Variants in SH3RF1 observed in about 807,000 individuals in gnomAD.
The protein encoded by SH3RF1 is SH3 domain containing ring finger 1, also known as E3 ubiquitin-protein ligase SH3RF1.
Under a neutral mutation model 74.0 loss-of-function variants are expected in SH3RF1, and 32 were observed. The observed-to-expected ratio is 0.43, with a 90% CI of 0.33 to 0.58. The LOEUF is 0.58. Ranked by LOEUF, SH3RF1 falls within the 20% of genes least tolerant of loss-of-function variation. SH3RF1 has a pLI of 0.05. For missense variants in SH3RF1, 954 were observed against 1,130.9 expected, an observed-to-expected ratio of 0.84 and a Z score of 2.24; for synonymous variants, 396 against 439.6, an observed-to-expected ratio of 0.90 and a Z score of 1.24.
At chr4:169,189,931 A>T (rs1399925476) in intron 2 of SH3RF1, among the ~76,000 whole-genome samples, 1 of 152,232 alleles carries the variant, frequency 6.6e-6, no homozygotes, top group African/African-American at 2.4e-5. Context: ...GGAACCTTCA[A>T]AACCATGCAA....
Position 169,144,776 on chromosome 4 carries a change from G to A in SH3RF1, c.766-8156C>T, listed in dbSNP as rs570380904. Among the ~76,000 whole-genome samples, 7 of 151,872 alleles carry A rather than the reference G, an allele frequency of 4.6e-5. 1 individual carries two copies. The highest frequency in any genetic ancestry group is 2.0e-4 in the Admixed American group (3 of 15,248). ...GGGTCAACTGATTTTTTTTTTTAAG[G>A]AAAGCTTATGTAAAACCTCCTGAGT... On this transcript the variant is annotated intron_variant, in intron 4 of 11. Transcript: ENST00000284637.
intron 2 of SH3RF1, among the ~76,000 whole-genome samples, chr4:169,252,697 C>G (rs968671741): frequency 1.3e-5 from 2 of 152,182 alleles, no homozygotes; most frequent in Non-Finnish European, 2.9e-5. Flanking sequence ...TGCCAAGAAA[C>G]GATGACCTTC....
chr4:169,177,016 C>T (rs992689872), intron 2 of SH3RF1, among the ~76,000 whole-genome samples: 1 of 152,138 alleles, frequency 6.6e-6, no homozygotes, highest in Non-Finnish European at 1.5e-5. Context: ...GATCCTCCTA[C>T]CTTGGCATTC....
intron 2 of SH3RF1, among the ~76,000 whole-genome samples, chr4:169,208,792 A>C (rs1730306168): frequency 1.3e-5 from 2 of 152,144 alleles, no homozygotes; most frequent in African/African-American, 4.8e-5. Flanking sequence ...CCCAACATTC[A>C]TTTCAAGTCC....
At position 169,145,839 on chromosome 4, in the gene SH3RF1, A is replaced by G. The variant is rs888395699; in HGVS notation, c.766-9219T>C. Among the ~76,000 whole-genome samples, 97 of 109,904 alleles carry G rather than the reference A, an allele frequency of 8.8e-4. 7 individuals carry two copies. The highest frequency in any genetic ancestry group is 3.3e-3 in the African/African-American group (93 of 28,152). The allele number at this position is 109,904 out of a possible 152,430, so 72.1% of individuals were successfully genotyped here. A position where few individuals can be genotyped will look rare whatever the true frequency, so the allele number is the denominator to read the frequency against. On this transcript the variant is annotated intron_variant, in intron 4 of 11. Coordinates refer to ENST00000284637, the MANE Select transcript of SH3RF1 (RefSeq NM_020870.4). Reference sequence around the variant, plus strand: ...ATATATTATTCTATATAAAATATGTATTCTATATATTATTCTATATAAAAT... The same window carrying G: ...ATATATTATTCTATATAAAATATGTGTTCTATATATTATTCTATATAAAAT...
At chr4:169,172,757 G>A (rs1266308114) in intron 2 of SH3RF1, among the ~76,000 whole-genome samples, 4 of 152,142 alleles carry the variant, frequency 2.6e-5, no homozygotes, top group Non-Finnish European at 5.9e-5. Context: ...TGGGCTGGGA[G>A]AGAAAGACCC....
chr4:169,249,041 C>T (rs1253126916), intron 2 of SH3RF1, among the ~76,000 whole-genome samples: 1 of 151,372 alleles, frequency 6.6e-6, no homozygotes, highest in Non-Finnish European at 1.5e-5. Flanking sequence ...TTCTGGCTAA[C>T]TCGGTGAAAC....
intron 2 of SH3RF1, among the ~76,000 whole-genome samples, chr4:169,231,586 T>A (rs866206458): frequency 1.6e-4 from 24 of 151,880 alleles, no homozygotes; most frequent in Non-Finnish European, 2.6e-4. Flanking sequence ...TTTTTTTTTT[T>A]AATAAATAAA....
chr4:169,110,085 A>G (rs539879807), intron 10 of SH3RF1, among the ~76,000 whole-genome samples: 21 of 147,468 alleles, frequency 1.4e-4, no homozygotes, highest in African/African-American at 5.3e-4. Context: ...AAGAAAATGA[A>G]CGTTAGAGGC....
chr4:169,268,682 A>T, intron 2 of SH3RF1, 138 bp downstream of exon 2: 1 of 836,064 alleles, frequency 1.2e-6, no homozygotes, highest in Non-Finnish European at 1.7e-6. Context: ...AAAAATATTC[A>T]GAGGTATAAT....
Position 169,185,275 on chromosome 4 carries a change from C to T in SH3RF1, c.394-28596G>A, listed in dbSNP as rs560077290. On this transcript the variant is annotated intron_variant, in intron 2 of 11. Transcript: ENST00000284637. ...ATCCCACACCTGAATGCAGGGAGAACAGCCAAGAGAGAAACAGCGGTGGGA... is the reference window on the plus strand; with the variant it reads ...ATCCCACACCTGAATGCAGGGAGAATAGCCAAGAGAGAAACAGCGGTGGGA... Among the ~76,000 whole-genome samples, 7 of 152,262 alleles carry T rather than the reference C, an allele frequency of 4.6e-5. No homozygotes were observed. In the East Asian group the frequency reaches 1.4e-3, roughly 29 times the overall value.
chr4:169,188,004 G>A (rs1452375332), intron 2 of SH3RF1, among the ~76,000 whole-genome samples: 2 of 152,062 alleles, frequency 1.3e-5, no homozygotes, highest in African/African-American at 4.8e-5. Context: ...AGAGGCAGAC[G>A]AAATGATGCA....
intron 2 of SH3RF1, among the ~76,000 whole-genome samples, chr4:169,235,728 G>A (rs936831841): frequency 6.6e-6 from 1 of 150,880 alleles, no homozygotes; most frequent in Non-Finnish European, 1.5e-5. Context: ...TTTTGCTCTT[G>A]TTGCCCAAGC....
intron 4 of SH3RF1, among the ~76,000 whole-genome samples, chr4:169,143,025 T>C: frequency 6.6e-6 from 1 of 152,194 alleles, no homozygotes; most frequent in African/African-American, 2.4e-5. Flanking sequence ...CTCAAGAGTC[T>C]TTTAAAATTG....
chr4:169,198,039 A>C (rs1249171135), intron 2 of SH3RF1, among the ~76,000 whole-genome samples: 1 of 152,194 alleles, frequency 6.6e-6, no homozygotes, highest in African/African-American at 2.4e-5. Context: ...AGGCTTCATA[A>C]TACTATTGTG....
chr4:169,171,255 T>C (rs1314247157), intron 2 of SH3RF1, among the ~76,000 whole-genome samples: 3 of 152,218 alleles, frequency 2.0e-5, no homozygotes, highest in Non-Finnish European at 4.4e-5. Flanking sequence ...TTTCGGTCCA[T>C]GAATCCTCTC....
At chr4:169,214,940 T>G (rs1227488402) in intron 2 of SH3RF1, among the ~76,000 whole-genome samples, 1 of 152,168 alleles carries the variant, frequency 6.6e-6, no homozygotes, top group Non-Finnish European at 1.5e-5. Flanking sequence ...TTCCCAATCT[T>G]TATACCTTTT....
intron 9 of SH3RF1, 36 bp from the exon 10 acceptor site, chr4:169,116,666 ACTAT>A (rs748011254): frequency 1.3e-6 from 2 of 1,511,052 alleles, no homozygotes; most frequent in Admixed American, 4.3e-5. Flanking sequence ...GCAAAATTCA[ACTAT>A]CTAATAGATG....
chr4:169,162,276 C>A (rs1734162143), intron 2 of SH3RF1, among the ~76,000 whole-genome samples: 1 of 152,184 alleles, frequency 6.6e-6, no homozygotes, highest in Non-Finnish European at 1.5e-5. Context: ...AATATTGATT[C>A]TTTAACAGTT....
Sources: allele counts gnomAD v4.1 joint callset (sites outside exome capture counted in the v4.1 genomes callset), GRCh38; gene constraint gnomAD v4.1.1; transcripts MANE v1.5; gene names NCBI Gene and HGNC (gene_info 2026-07-23, HGNC 2026-07-21).